RALGAPA1: variants seen among roughly 807,000 people sequenced by gnomAD.
RALGAPA1 encodes Ral GTPase activating protein catalytic subunit alpha 1.
RALGAPA1 carries 52 observed loss-of-function variants against 269.6 expected under a neutral mutation model. That is an observed-to-expected ratio of 0.19 (90% confidence interval 0.15 to 0.24). The LOEUF (loss-of-function observed/expected upper bound fraction) is 0.24, where lower values mean the gene tolerates loss of function less well. Among genes scored for constraint, RALGAPA1 ranks in the 10% least tolerant of loss-of-function variants. RALGAPA1 has a pLI of 1.00. For missense variants in RALGAPA1, 1,917 were observed against 3,013.9 expected (o/e 0.64, Z 8.52); for synonymous variants, 817 against 1,008.3 (o/e 0.81, Z 3.60).
rs575537090 is a variant in RALGAPA1, at chr14:35,712,369, G to A, written c.2266+9319C>T. ...TCTCTAACACTCTTCCATTATTTATGTAGTTTCTGACCTCTATCACTTTCA... is the reference window on the plus strand; with the variant it reads ...TCTCTAACACTCTTCCATTATTTATATAGTTTCTGACCTCTATCACTTTCA... On this transcript the variant is annotated intron_variant, in intron 16 of 41. Transcript: ENST00000680220. Among the ~76,000 whole-genome samples the A allele has an allele frequency of 3.8e-4, 57 of 150,972 alleles. 1 individual carries two copies. In the South Asian group the frequency reaches 0.011, roughly 29 times the overall value.
At position 35,627,633 on chromosome 14, in the gene RALGAPA1, A is replaced by G. The variant is rs763005821; in HGVS notation, c.6314T>C (p.Val2105Ala). 2 of 1,590,490 alleles carry G rather than the reference A, an allele frequency of 1.3e-6. No homozygotes were observed. Among genetic ancestry groups the G allele is most frequent in the South Asian group, 1.1e-5 (1 of 87,306 alleles). The change falls in exon 34 of 42, where the codon GTA becomes GCA. Residue 2105 changes from valine (V) to alanine (A), a missense_variant. Physicochemically the swap from Val to Ala is moderately conservative, Grantham distance 64. Coordinates refer to ENST00000680220, the MANE Select transcript of RALGAPA1 (RefSeq NM_001346249.2). ...ASANSNVRII[V>A]RDLSGKYSWD... ...TGAATATTTTCCAGAGAGATCACGT[A>G]CTATGATTCTGACATTTGAATTGGC...
intron 1 of RALGAPA1, among the ~76,000 whole-genome samples, chr14:35,794,073 C>T (rs1260962323): frequency 1.3e-5 from 2 of 152,052 alleles, no homozygotes; most frequent in Non-Finnish European, 2.9e-5. Context: ...TCAAATCAGA[C>T]AGATTCAAAT....
chr14:35,710,338 T>C (rs560998829), intron 16 of RALGAPA1, among the ~76,000 whole-genome samples: 1 of 152,346 alleles, frequency 6.6e-6, no homozygotes, highest in Admixed American at 6.5e-5. Context: ...CTCAGCTCAC[T>C]GCAACCTCTG....
At position 35,752,018 on chromosome 14, in the gene RALGAPA1, A is replaced by C; in HGVS notation, c.802+6T>G. 6.4e-7 allele frequency: 1 copy of C among 1,571,606 alleles called. No homozygotes were observed. The highest frequency in any genetic ancestry group is 8.6e-7 in the Non-Finnish European group (1 of 1,164,854). ...GATCTTTCAGAAAATTTCAAACATTACCTACCAAGTATAGGATGATATAAA... is the reference window on the plus strand; with the variant it reads ...GATCTTTCAGAAAATTTCAAACATTCCCTACCAAGTATAGGATGATATAAA... On this transcript the variant is annotated splice_donor_region_variant and intron_variant, in intron 8 of 41. Transcript: ENST00000680220.
At chr14:35,703,014 T>A (rs2067499631) in intron 16 of RALGAPA1, among the ~76,000 whole-genome samples, 1 of 152,176 alleles carries the variant, frequency 6.6e-6, no homozygotes, top group Non-Finnish European at 1.5e-5. Flanking sequence ...AAATTATAAG[T>A]TTTTCTTTTT....
At chr14:35,770,193 T>C (rs1001259783) in intron 4 of RALGAPA1, among the ~76,000 whole-genome samples, 1 of 152,108 alleles carries the variant, frequency 6.6e-6, no homozygotes, top group African/African-American at 2.4e-5. Context: ...CATCAATAGA[T>C]GGAGAAAAAG....
At chr14:35,598,415 T>A (rs756820849) in intron 36 of RALGAPA1, among the ~76,000 whole-genome samples, 2 of 146,920 alleles carry the variant, frequency 1.4e-5, no homozygotes, top group Non-Finnish European at 1.5e-5. Flanking sequence ...ATATATATAT[T>A]TTATTTATTT....
rs763468884 is a variant in RALGAPA1, at chr14:35,595,796, G to A, written c.7054-7C>T. The A allele has an allele frequency of 2.5e-6, 4 of 1,606,120 alleles. No individual in the cohort carries two copies. The highest frequency in any genetic ancestry group is 2.2e-5 in the East Asian group (1 of 44,696). ...AATGGTTTGTAAGATTTACCTAGAA[G>A]TAATGAAGAGTCACATAAATTAATT... On this transcript the variant is annotated splice_polypyrimidine_tract_variant and splice_region_variant and intron_variant, in intron 36 of 41. Transcript: ENST00000680220.
chr14:35,644,090 A>T (rs1438871719), intron 31 of RALGAPA1, among the ~76,000 whole-genome samples: 1 of 152,114 alleles, frequency 6.6e-6, no homozygotes, highest in Non-Finnish European at 1.5e-5. Context: ...GGGGAAGGAT[A>T]CCCCATTTAT....
At chr14:35,793,595 A>AACACACACACACAC (rs33911524) in intron 1 of RALGAPA1, among the ~76,000 whole-genome samples, 1 of 150,104 alleles carries the variant, frequency 6.7e-6, no homozygotes, top group African/African-American at 2.4e-5. Flanking sequence ...TACACACACA[A>AACACACACACACAC]ACACACACAC....
intron 31 of RALGAPA1, among the ~76,000 whole-genome samples, chr14:35,648,177 G>A (rs1324062482): frequency 6.6e-6 from 1 of 151,588 alleles, no homozygotes; most frequent in Non-Finnish European, 1.5e-5. Flanking sequence ...TGTGTCTGTA[G>A]TTCCAGCTAC....
intron 37 of RALGAPA1, among the ~76,000 whole-genome samples, chr14:35,578,638 G>A (rs556819399): frequency 2.0e-5 from 3 of 152,212 alleles, no homozygotes; most frequent in Admixed American, 6.5e-5. Context: ...ATAAATACTG[G>A]TGACTATTAA....
chr14:35,742,557 T>C lies in RALGAPA1; in HGVS notation c.1260A>G (p.Leu420=), dbSNP rs1567135792. Residue 420 remains leucine, a synonymous_variant, in exon 11 of 42, where the codon TTA becomes TTG. Coordinates refer to ENST00000680220, the MANE Select transcript of RALGAPA1 (RefSeq NM_001346249.2). ...FVTEIFRQAF[L]LPICEAAAMR... ...TAGCTGCTGCTTCACAAATTGGTAATAAAAATGCCTAGGGAAAAAAAGGAG... is the reference window on the plus strand; with the variant it reads ...TAGCTGCTGCTTCACAAATTGGTAACAAAAATGCCTAGGGAAAAAAAGGAG... The C allele has an allele frequency of 1.2e-6, 2 of 1,605,836 alleles. No individual in the cohort carries two copies. The highest frequency in any genetic ancestry group is 1.7e-6 in the Non-Finnish European group (2 of 1,173,548).
intron 41 of RALGAPA1, among the ~76,000 whole-genome samples, chr14:35,543,773 G>A (rs575191462): frequency 2.2e-4 from 33 of 152,302 alleles, no homozygotes; most frequent in African/African-American, 7.9e-4. Context: ...CTCCTGAGTA[G>A]CTGGGATTAT....
intron 36 of RALGAPA1, among the ~76,000 whole-genome samples, chr14:35,599,701 G>A (rs1253677454): frequency 2.6e-5 from 4 of 152,070 alleles, no homozygotes; most frequent in Admixed American, 6.6e-5. Flanking sequence ...GCAATGAGCC[G>A]AGATCATGCC....
In RALGAPA1 at chr14:35,539,807, G is replaced by A. The variant is rs966550490; in HGVS notation, c.*24-117C>T. ...CATCCCTTAATAAGATCTTTCGAGG[G>A]AAAAAGCAAGCCCCAAACTTGCTTG... On this transcript the variant is annotated intron_variant, in intron 41 of 41. Transcript: ENST00000680220. 7 of 1,439,026 alleles carry A rather than the reference G, an allele frequency of 4.9e-6. No homozygotes were observed. In the East Asian group the frequency reaches 9.4e-5, roughly 19 times the overall value. 89.1% of individuals were successfully genotyped at this position (1,439,026 alleles called of 1,614,324 possible).
intron 29 of RALGAPA1, among the ~76,000 whole-genome samples, chr14:35,655,128 C>T (rs948691888): frequency 5.9e-5 from 9 of 152,040 alleles, no homozygotes; most frequent in African/African-American, 2.2e-4. Context: ...CTAGTATTTA[C>T]AATTTTTTCC....
chr14:35,678,333 C>T (rs998734035), intron 21 of RALGAPA1, among the ~76,000 whole-genome samples: 1 of 152,046 alleles, frequency 6.6e-6, no homozygotes, highest in Admixed American at 6.6e-5. Context: ...ACTGGATGTA[C>T]CAAATGACAG....
intron 39 of RALGAPA1, among the ~76,000 whole-genome samples, chr14:35,553,809 A>G (rs540738412): frequency 6.6e-6 from 1 of 152,324 alleles, no homozygotes; most frequent in East Asian, 1.9e-4. Context: ...TTTATTTCCT[A>G]AACAAGAAAA....
Sources: gnomAD v4.1 joint callset for allele counts (sites outside exome capture counted in the v4.1 genomes callset) on GRCh38, gnomAD v4.1.1 for gene constraint, MANE v1.5 for transcripts, NCBI Gene and HGNC (gene_info 2026-07-23, HGNC 2026-07-21) for gene names.